Variants in ELMO2 observed in about 807,000 individuals in gnomAD.
ELMO2 encodes the protein engulfment and cell motility 2, also known as engulfment and cell motility protein 2.
Under a neutral mutation model 96.2 loss-of-function variants are expected in ELMO2, and 37 were observed. That is an observed-to-expected ratio of 0.38 (90% CI 0.30 to 0.51). The LOEUF (loss-of-function observed/expected upper bound fraction) is 0.51. ELMO2 is among the 20% of genes least tolerant of loss of function. The pLI, the probability that ELMO2 is intolerant of heterozygous loss-of-function variation, is 0.88. For synonymous variants in ELMO2, 315 were observed against 329.4 expected, an observed-to-expected ratio of 0.96 and a Z score of 0.47; for missense variants, 561 against 912.6, an observed-to-expected ratio of 0.61 and a Z score of 4.96.
chr20:46,386,000 G>A, intron 9 of ELMO2, 124 bp downstream of exon 9: 1 of 1,092,238 alleles, frequency 9.2e-7, no homozygotes, highest in East Asian at 2.4e-5. Flanking sequence ...AAGAGGTGAT[G>A]AATGAAGAAG....
intron 20 of ELMO2, chr20:46,370,197 A>C: frequency 1.6e-6 from 1 of 639,740 alleles, no homozygotes; most frequent in Non-Finnish European, 2.9e-6. Context: ...ACAGTGTGAT[A>C]CTTGGGACTT....
At chr20:46,376,981 A>G in intron 11 of ELMO2, 1 of 378,846 alleles carries the variant, frequency 2.6e-6, no homozygotes, top group Non-Finnish European at 4.9e-6. Flanking sequence ...GCAGATACGG[A>G]ACACTTCCAT....
chr20:46,393,444 C>T lies in ELMO2; in HGVS notation c.192+85G>A, dbSNP rs1600875483. On this transcript the variant is annotated intron_variant, in intron 5 of 21. Coordinates refer to ENST00000290246, the MANE Select transcript of ELMO2 (RefSeq NM_133171.5). ...CCAACACATGGAAGCTACCTGGATG[C>T]TGAGTGAAGATAAATAGTGCCGTCT... The T allele has an allele frequency of 2.1e-6, 3 of 1,421,572 alleles. 1 individual carries two copies. In the South Asian group the frequency reaches 3.6e-5, roughly 17 times the overall value. 88.1% of individuals were successfully genotyped at this position (1,421,572 alleles called of 1,614,324 possible). A position where few individuals can be genotyped will look rare whatever the true frequency, so the allele number is the denominator to read the frequency against.
At chr20:46,373,582 G>A (rs767399583) in intron 15 of ELMO2, 47 bp from the exon 16 acceptor site, 3 of 1,599,206 alleles carry the variant, frequency 1.9e-6, no homozygotes, top group Non-Finnish European at 2.6e-6. Flanking sequence ...CTGTCCACAA[G>A]GGCCTGGGAG....
At chr20:46,376,685 C>T in intron 11 of ELMO2, 1 of 1,289,496 alleles carries the variant, frequency 7.8e-7, no homozygotes, top group Non-Finnish European at 1.0e-6. Flanking sequence ...GTATTTGTCA[C>T]TCCCTCTGTC....
intron 15 of ELMO2, 77 bp from the exon 16 acceptor site, chr20:46,373,612 C>T (rs2059779777): frequency 6.4e-7 from 1 of 1,564,274 alleles, no homozygotes; most frequent in African/African-American, 1.4e-5. Context: ...GGAAACTTTG[C>T]ACCAAAGTCC....
At chr20:46,388,890 G>C (rs916351008) in intron 7 of ELMO2, 149 bp downstream of exon 7, 2 of 702,056 alleles carry the variant, frequency 2.8e-6, no homozygotes, top group African/African-American at 1.8e-5. Flanking sequence ...TATATATCTT[G>C]GTATGGACTC....
At chr20:46,372,098 G>A in intron 16 of ELMO2, 129 bp from the exon 17 acceptor site, 1 of 1,082,358 alleles carries the variant, frequency 9.2e-7, no homozygotes, top group Non-Finnish European at 1.3e-6. Context: ...CATCTGCTGG[G>A]TGAGTAAGGT....
At chr20:46,374,228 C>G in intron 15 of ELMO2, 104 bp downstream of exon 15, 1 of 863,314 alleles carries the variant, frequency 1.2e-6, no homozygotes, top group Non-Finnish European at 1.9e-6. Context: ...AGGTGTGAAC[C>G]ACCACGCCCG....
intron 20 of ELMO2, 154 bp from the exon 21 acceptor site, chr20:46,369,122 G>A: frequency 1.5e-6 from 1 of 649,992 alleles, no homozygotes; most frequent in Non-Finnish European, 2.7e-6. Context: ...AGTGTGGCTG[G>A]AGATGAGGCC....
intron 21 of ELMO2, among the ~76,000 whole-genome samples, chr20:46,368,339 G>A (rs1485677846): frequency 6.6e-6 from 1 of 151,968 alleles, no homozygotes. Flanking sequence ...GCTGCAGATG[G>A]AACTACAGGG....
intron 16 of ELMO2, chr20:46,372,939 G>C (rs1020964540): frequency 6.5e-6 from 1 of 153,032 alleles, no homozygotes; most frequent in Non-Finnish European, 1.5e-5. Context: ...GCTTTTGAGG[G>C]CCTGGCACAA....
At chr20:46,404,055 G>A (rs1306515547) in intron 1 of ELMO2, among the ~76,000 whole-genome samples, 1 of 152,094 alleles carries the variant, frequency 6.6e-6, no homozygotes, top group African/African-American at 2.4e-5. Flanking sequence ...TTGCACTCCA[G>A]CCTGGGCGAC....
chr20:46,372,089 ATC>A (rs2059729424), intron 16 of ELMO2, 120 bp from the exon 17 acceptor site: 1 of 1,236,436 alleles, frequency 8.1e-7, no homozygotes, highest in African/African-American at 1.5e-5. Flanking sequence ...CACTACAGAC[ATC>A]TGCTGGGTGA....
intron 20 of ELMO2, 84 bp from the exon 21 acceptor site, chr20:46,369,052 G>A (rs763833475): frequency 6.4e-6 from 8 of 1,251,270 alleles, no homozygotes; most frequent in African/African-American, 1.5e-5. Context: ...CTAGTGACTC[G>A]GCATCATCAC....
At chr20:46,402,144 G>A (rs1246623670) in intron 1 of ELMO2, among the ~76,000 whole-genome samples, 1 of 152,166 alleles carries the variant, frequency 6.6e-6, no homozygotes, top group Non-Finnish European at 1.5e-5. Context: ...ACACACCCCA[G>A]GTCATTTATA....
At chr20:46,370,584 C>G in intron 19 of ELMO2, 59 bp from the exon 20 acceptor site, 1 of 1,522,552 alleles carries the variant, frequency 6.6e-7, no homozygotes, top group African/African-American at 1.4e-5. Context: ...TCAGTGCCTA[C>G]ATCAGTGCTG....
At chr20:46,400,324 A>G (rs543577039) in intron 1 of ELMO2, among the ~76,000 whole-genome samples, 1 of 152,360 alleles carries the variant, frequency 6.6e-6, no homozygotes, top group Admixed American at 6.5e-5. Flanking sequence ...TCTGTTCTCC[A>G]GATAATATTC....
Position 46,394,512 on chromosome 20 carries a change from C to CA in ELMO2, c.-31dup. On this transcript the variant is annotated 5_prime_UTR_variant, in exon 3 of 22. Coordinates refer to ENST00000290246, the MANE Select transcript of ELMO2 (RefSeq NM_133171.5). The stretch of plus-strand genomic sequence containing the variant: ...CCCAATGGGCTCTAATTCTGCGAGA[C>CA]AAAAACACAGACACGGCTGCCTGGG... The CA allele has an allele frequency of 6.2e-7, 1 of 1,610,884 alleles. No homozygotes were observed. Among genetic ancestry groups the CA allele is most frequent in the Non-Finnish European group, 8.5e-7 (1 of 1,177,128 alleles).
Sources: gnomAD v4.1 joint callset for allele counts (sites outside exome capture counted in the v4.1 genomes callset) on GRCh38, gnomAD v4.1.1 for gene constraint, MANE v1.5 for transcripts, NCBI Gene and HGNC (gene_info 2026-07-23, HGNC 2026-07-21) for gene names.